ESRRG: variants seen among roughly 807,000 people sequenced by gnomAD.
ESRRG encodes the protein estrogen related receptor gamma, also known as estrogen-related receptor gamma.
A neutral mutation model predicts 44.0 loss-of-function variants in ESRRG; 13 were observed. That is an observed-to-expected ratio of 0.30 (90% confidence interval 0.19 to 0.47). ESRRG has a LOEUF of 0.47. Ranked by LOEUF, ESRRG falls within the 20% of genes least tolerant of loss-of-function variation. The pLI, the probability that ESRRG is intolerant of heterozygous loss-of-function variation, is 1.00. For synonymous variants in ESRRG, 215 were observed against 214.6 expected, an observed-to-expected ratio of 1.00 and a Z score of -0.02; for missense variants, 395 against 580.6, an observed-to-expected ratio of 0.68 and a Z score of 3.29.
At chr1:217,087,869 G>A (rs1269610824) in intron 1 of ESRRG, among the ~76,000 whole-genome samples, 3 of 152,076 alleles carry the variant, frequency 2.0e-5, no homozygotes, top group Non-Finnish European at 4.4e-5. Context: ...TCTATTTGAA[G>A]GAGATGAAAC....
chr1:216,795,335 T>A (rs866040022), intron 2 of ESRRG, among the ~76,000 whole-genome samples: 1 of 142,124 alleles, frequency 7.0e-6, no homozygotes, highest in African/African-American at 2.7e-5. Context: ...ATGGTTTTTT[T>A]CTTTTTCTTT....
upstream of ESRRG, among the ~76,000 whole-genome samples, chr1:217,092,263 G>C (rs1438736144): frequency 6.6e-6 from 1 of 152,102 alleles, no homozygotes; most frequent in African/African-American, 2.4e-5. Flanking sequence ...AATATTGTTG[G>C]AGCATGTTCA....
At chr1:216,967,953 G>C (rs1578817016) in intron 1 of ESRRG, among the ~76,000 whole-genome samples, 1 of 152,112 alleles carries the variant, frequency 6.6e-6, no homozygotes, top group African/African-American at 2.4e-5. Context: ...GTGTACAGTG[G>C]TATTTCATTG....
intron 2 of ESRRG, among the ~76,000 whole-genome samples, chr1:216,654,979 G>C (rs1338654711): frequency 6.6e-6 from 1 of 152,086 alleles, no homozygotes; most frequent in East Asian, 1.9e-4. Flanking sequence ...GACTCATCTA[G>C]GAATAATTAC....
chr1:216,873,091 A>T (rs1460315477), intron 2 of ESRRG, among the ~76,000 whole-genome samples: 1 of 151,988 alleles, frequency 6.6e-6, no homozygotes, highest in East Asian at 1.9e-4. Context: ...CCCAGTGTCC[A>T]GTATGGTCAT....
At position 216,540,125 on chromosome 1, in the gene ESRRG, T is replaced by C. The variant is rs187011262; in HGVS notation, c.863-20704A>G. Among the ~76,000 whole-genome samples, 97 of 152,162 alleles carry C rather than the reference T, an allele frequency of 6.4e-4. 2 individuals are homozygous for C. The highest frequency in any genetic ancestry group is 6.3e-3 in the Admixed American group (96 of 15,262). Reference sequence around the variant, plus strand: ...ATATTTCCACCTTATTGCATATCTATTATAGAGGTAGCCTTGTGAGCCTTC... The same window carrying C: ...ATATTTCCACCTTATTGCATATCTACTATAGAGGTAGCCTTGTGAGCCTTC... On this transcript the variant is annotated intron_variant, in intron 5 of 6. Transcript: ENST00000408911.
At chr1:216,888,414 G>C (rs2057337919) in intron 2 of ESRRG, among the ~76,000 whole-genome samples, 1 of 152,116 alleles carries the variant, frequency 6.6e-6, no homozygotes, top group African/African-American at 2.4e-5. Flanking sequence ...CTAAATTTCT[G>C]AGACTATTTG....
At chr1:216,611,461 C>A (rs1349274034) in intron 3 of ESRRG, among the ~76,000 whole-genome samples, 1 of 152,070 alleles carries the variant, frequency 6.6e-6, no homozygotes, top group East Asian at 1.9e-4. Context: ...TAATGTAACA[C>A]ACATATAAAC....
rs529616702 is a variant in ESRRG at position 216,557,057 on chromosome 1, G to T, written c.862+7162C>A. 7.2e-5 allele frequency among the ~76,000 whole-genome samples: 11 copies of T among 152,254 alleles called. No homozygotes were observed. In the South Asian group the frequency reaches 2.3e-3, roughly 32 times the overall value. On this transcript the variant is annotated intron_variant, in intron 5 of 6. Transcript: ENST00000408911. Reference sequence around the variant, plus strand: ...TTGCCCAGTGATCTGAAGAGAGTCAGAGACAGGGAGCATCCAGTCTTAGCA... The same window carrying T: ...TTGCCCAGTGATCTGAAGAGAGTCATAGACAGGGAGCATCCAGTCTTAGCA...
intron 2 of ESRRG, among the ~76,000 whole-genome samples, chr1:216,783,699 T>C (rs1345500640): frequency 6.6e-6 from 1 of 151,970 alleles, no homozygotes; most frequent in Admixed American, 6.6e-5. Context: ...CCTAGGACCC[T>C]TTCTTGGACC....
chr1:217,136,388 C>G lies in ESRRG; in HGVS notation c.-230+1279G>C, dbSNP rs537628069. 1.8e-4 allele frequency among the ~76,000 whole-genome samples: 27 copies of G among 152,306 alleles called. 1 individual carries two copies. In the South Asian group the frequency reaches 4.8e-3, roughly 27 times the overall value. On this transcript the variant is annotated intron_variant, in intron 1 of 8. Transcript: ENST00000366940. ...CAGTGCAGATTTCCTTTCCCAGAAG[C>G]GACAATAACCCACTCAGCAACTTTA...
At chr1:216,820,946 C>A (rs1372002741) in intron 2 of ESRRG, among the ~76,000 whole-genome samples, 1 of 152,086 alleles carries the variant, frequency 6.6e-6, no homozygotes, top group Non-Finnish European at 1.5e-5. Flanking sequence ...GCTTTCCCTG[C>A]CTTTGTGGAC....
chr1:216,973,500 A>T (rs2072157606), intron 1 of ESRRG, among the ~76,000 whole-genome samples: 1 of 152,190 alleles, frequency 6.6e-6, no homozygotes, highest in Admixed American at 6.5e-5. Context: ...GCCCAGAAGC[A>T]GTGCTGGACC....
intron 1 of ESRRG, among the ~76,000 whole-genome samples, chr1:216,954,866 T>C (rs751542046): frequency 2.0e-5 from 3 of 152,178 alleles, no homozygotes; most frequent in Admixed American, 1.3e-4. Context: ...TGGTACTATT[T>C]GCATTGGCAA....
At chr1:216,903,620 T>C (rs554480711) in intron 2 of ESRRG, among the ~76,000 whole-genome samples, 1 of 151,940 alleles carries the variant, frequency 6.6e-6, no homozygotes, top group Admixed American at 6.6e-5. Flanking sequence ...TGCTGGCCTA[T>C]ATACTCAGGG....
At chr1:217,110,224 T>C (rs180797039) in intron 1 of ESRRG, among the ~76,000 whole-genome samples, 2 of 152,320 alleles carry the variant, frequency 1.3e-5, no homozygotes, top group East Asian at 3.9e-4. Context: ...TGCAGCACAC[T>C]GAAAAGCAAC....
At chr1:217,062,526 A>G (rs1180454080) in intron 1 of ESRRG, among the ~76,000 whole-genome samples, 1 of 152,156 alleles carries the variant, frequency 6.6e-6, no homozygotes, top group Non-Finnish European at 1.5e-5. Context: ...AGCTGCTCCA[A>G]AATAATGTCC....
At chr1:216,902,581 T>TCCCACATATTG (rs2059214151) in intron 2 of ESRRG, among the ~76,000 whole-genome samples, 1 of 152,268 alleles carries the variant, frequency 6.6e-6, no homozygotes, top group South Asian at 2.1e-4. Context: ...CTGTTCATGC[T>TCCCACATATTG]CCCACATATT....
chr1:217,031,743 A>G (rs112372835), intron 1 of ESRRG, among the ~76,000 whole-genome samples: 91 of 152,292 alleles, frequency 6.0e-4, no homozygotes, highest in African/African-American at 2.1e-3. Context: ...TCTCACGATG[A>G]TAAGTTCTCA....
Sources: allele counts gnomAD v4.1 joint callset (sites outside exome capture counted in the v4.1 genomes callset), GRCh38; gene constraint gnomAD v4.1.1; transcripts MANE v1.5; gene names NCBI Gene and HGNC (gene_info 2026-07-23, HGNC 2026-07-21).